The following WHAMM variants were observed in gnomAD, a reference collection of about 807,000 sequenced individuals.
The protein encoded by WHAMM is WASP homolog associated with actin, golgi membranes and microtubules, also known as WASP homolog-associated protein with actin, membranes and microtubules.
WHAMM carries 67 observed loss-of-function variants against 76.5 expected under a neutral mutation model. The ratio of observed to expected loss-of-function variants is 0.88; its 90% confidence interval spans 0.72 to 1.07. The LOEUF (loss-of-function observed/expected upper bound fraction) is 1.07. WHAMM is among the 50% of genes least tolerant of loss of function. The pLI, the probability that WHAMM is intolerant of heterozygous loss-of-function variation, is 0.00. For missense variants in WHAMM, 1,021 were observed against 1,051.1 expected (o/e 0.97, Z 0.40); for synonymous variants, 419 against 422.1 (o/e 0.99, Z 0.09).
intron 5 of WHAMM, among the ~76,000 whole-genome samples, chr15:82,820,233 A>G (rs2050795822): frequency 6.6e-6 from 1 of 152,222 alleles, no homozygotes; most frequent in Non-Finnish European, 1.5e-5. Context: ...ATAGGCATAT[A>G]ATGCATAATA....
At chr15:82,811,504 T>C (rs185271587) in intron 1 of WHAMM, among the ~76,000 whole-genome samples, 123 of 152,348 alleles carry the variant, frequency 8.1e-4, no homozygotes, top group African/African-American at 2.8e-3. Flanking sequence ...TTTCCCAAAT[T>C]TAAGTTCACT....
chr15:82,835,190 G>T lies in WHAMM; in HGVS notation c.*1654G>T, dbSNP rs923738115. 1 of 151,498 alleles carries T rather than the reference G, an allele frequency of 6.6e-6. No homozygotes were observed. The highest frequency in any genetic ancestry group is 1.5e-5 in the Non-Finnish European group (1 of 68,014). The allele number at this position is 151,498 out of a possible 1,614,324, so 9.4% of individuals were successfully genotyped here. On this transcript the variant is annotated 3_prime_UTR_variant, in exon 10 of 10. Coordinates refer to ENST00000286760, the MANE Select transcript of WHAMM (RefSeq NM_001080435.3). ...CAACCAGGCTGGAGTGCGGTGGCAC[G>T]ATCTCAGCTCACTGCAACCTCTGCC... is the stretch of plus-strand genomic sequence containing the variant.
chr15:82,830,467 A>T, intron 8 of WHAMM, 132 bp from the exon 9 acceptor site: 1 of 1,386,644 alleles, frequency 7.2e-7, no homozygotes, highest in East Asian at 2.3e-5. Flanking sequence ...ATGGCTGTAC[A>T]AACAAGGAGT....
In WHAMM at chr15:82,833,376, AC is replaced by A; in HGVS notation, c.2273del (p.Pro758LeufsTer67). ...CAAGGGGTCAAACTGAAGAAAGTTC[AC>A]CCTGATCTTGGCCCAAACCCCAGCA... The part of the protein sequence containing the change: ...IRQGVKLKKV[H>X]PDLGPNPSSK... On this transcript the variant is annotated frameshift_variant, in exon 10 of 10. Transcript: ENST00000286760. LOFTEE classifies it low-confidence loss of function (END_TRUNC). 1 of 1,614,032 alleles carries A rather than the reference AC, an allele frequency of 6.2e-7. No homozygotes were observed. Among genetic ancestry groups the A allele is most frequent in the Non-Finnish European group, 8.5e-7 (1 of 1,179,900 alleles).
intron 1 of WHAMM, among the ~76,000 whole-genome samples, chr15:82,810,931 TA>T (rs2050617218): frequency 6.6e-6 from 1 of 152,108 alleles, no homozygotes; most frequent in East Asian, 1.9e-4. Context: ...ATTTGAGTGG[TA>T]AACTTACTGA....
chr15:82,831,777 A>G (rs983340996), intron 9 of WHAMM, among the ~76,000 whole-genome samples: 7 of 152,230 alleles, frequency 4.6e-5, no homozygotes, highest in Admixed American at 2.6e-4. Flanking sequence ...CTTGGAGCCT[A>G]CTTCTTTGGG....
rs777677977 is a variant in WHAMM, at chr15:82,833,226, C to T, written c.2123-3C>T. 2 of 1,612,468 alleles carry T rather than the reference C, an allele frequency of 1.2e-6. No individual in the cohort carries two copies. Among genetic ancestry groups the T allele is most frequent in the East Asian group, 2.2e-5 (1 of 44,868 alleles). ...AGTACTAGCTCTGCTTATTCAATTT[C>T]AGGATCTATGGATGAAGTGTTGGCC... is the stretch of plus-strand genomic sequence containing the variant. On this transcript the variant is annotated splice_region_variant and splice_polypyrimidine_tract_variant and intron_variant, in intron 9 of 9. Coordinates refer to ENST00000286760, the MANE Select transcript of WHAMM (RefSeq NM_001080435.3).
Position 82,833,218 on chromosome 15 carries a change from T to C in WHAMM, c.2123-11T>C. On this transcript the variant is annotated splice_polypyrimidine_tract_variant and intron_variant, in intron 9 of 9. Coordinates refer to ENST00000286760, the MANE Select transcript of WHAMM (RefSeq NM_001080435.3). The stretch of plus-strand genomic sequence containing the variant: ...TTATTGATAGTACTAGCTCTGCTTA[T>C]TCAATTTCAGGATCTATGGATGAAG... 2 of 1,611,628 alleles carry C rather than the reference T, an allele frequency of 1.2e-6. No individual in the cohort carries two copies. The highest frequency in any genetic ancestry group is 1.7e-6 in the Non-Finnish European group (2 of 1,178,620).
At chr15:82,828,028 C>T (rs1480790174) in intron 8 of WHAMM, among the ~76,000 whole-genome samples, 1 of 152,084 alleles carries the variant, frequency 6.6e-6, no homozygotes, top group Non-Finnish European at 1.5e-5. Context: ...CTTTCATTCC[C>T]CAGCCCCTTC....
Position 82,833,326 on chromosome 15 carries a change from T to C in WHAMM, c.2220T>C (p.Asn740=), listed in dbSNP as rs750257741. ...PAVRPPHASI[N]EHILAAIRQG... ...TGCGCCCTCCCCACGCCTCAATCAATGAGCACATTCTGGCTGCCATAAGGC... is the reference window on the plus strand; with the variant it reads ...TGCGCCCTCCCCACGCCTCAATCAACGAGCACATTCTGGCTGCCATAAGGC... The change falls in exon 10 of 10, where the codon AAT becomes AAC. Residue 740 remains asparagine, a synonymous_variant. Transcript: ENST00000286760. 9 of 1,614,034 alleles carry C rather than the reference T, an allele frequency of 5.6e-6. No individual in the cohort carries two copies. The East Asian group carries it at 1.1e-4, about 20-fold the overall frequency.
rs560517401 is a variant in WHAMM at position 82,826,177 on chromosome 15, C to T, written c.1459-233C>T. Among the ~76,000 whole-genome samples, 38 of 152,232 alleles carry T rather than the reference C, an allele frequency of 2.5e-4. 1 individual carries two copies. In the South Asian group the frequency reaches 7.1e-3, roughly 28 times the overall value. Reference sequence around the variant, plus strand: ...TGCCTATGTGTCCTCTCATGGTTGGCGGATTGTTTTTCATCTCTTAAAGCA... The same window carrying T: ...TGCCTATGTGTCCTCTCATGGTTGGTGGATTGTTTTTCATCTCTTAAAGCA... On this transcript the variant is annotated intron_variant, in intron 6 of 9. Coordinates refer to ENST00000286760, the MANE Select transcript of WHAMM (RefSeq NM_001080435.3).
intron 8 of WHAMM, among the ~76,000 whole-genome samples, chr15:82,829,702 G>C (rs562038850): frequency 3.9e-5 from 6 of 151,926 alleles, no homozygotes; most frequent in African/African-American, 1.2e-4. Flanking sequence ...GATTGCATGG[G>C]GGGGGTGTGT....
intron 4 of WHAMM, among the ~76,000 whole-genome samples, chr15:82,818,355 T>C (rs910453142): frequency 9.2e-5 from 14 of 152,234 alleles, no homozygotes; most frequent in Admixed American, 7.9e-4. Context: ...CTCCCACTTA[T>C]AAGTGAGACC....
At chr15:82,829,506 T>C (rs993903070) in intron 8 of WHAMM, among the ~76,000 whole-genome samples, 1 of 152,140 alleles carries the variant, frequency 6.6e-6, no homozygotes, top group African/African-American at 2.4e-5. Flanking sequence ...GCTGGCATGG[T>C]CTCTGACAGA....
chr15:82,824,218 C>T (rs944530486), intron 6 of WHAMM, among the ~76,000 whole-genome samples: 5 of 135,678 alleles, frequency 3.7e-5, no homozygotes, highest in South Asian at 2.4e-4. Context: ...AGTGCAATGG[C>T]GCAATCTCAG....
chr15:82,830,710 G>C lies in WHAMM; in HGVS notation c.1753G>C (p.Val585Leu), dbSNP rs1043211899. 6.2e-7 allele frequency: 1 copy of C among 1,613,970 alleles called. No homozygotes were observed. The highest frequency in any genetic ancestry group is 8.5e-7 in the Non-Finnish European group (1 of 1,179,886). ...MCLPASHAVS[V>L]IHPSSRKTRG... is the part of the protein sequence containing the mutation. Reference sequence around the variant, plus strand: ...CTTGCCAGCTTCCCACGCGGTGTCAGTAATTCACCCGTCCTCTAGGAAAAC... The same window carrying C: ...CTTGCCAGCTTCCCACGCGGTGTCACTAATTCACCCGTCCTCTAGGAAAAC... Residue 585 changes from valine (V) to leucine (L), a missense_variant, in exon 9 of 10, where the codon GTA (valine) becomes CTA (leucine). Physicochemically the swap from Val to Leu is conservative, Grantham distance 32. Coordinates refer to ENST00000286760, the MANE Select transcript of WHAMM (RefSeq NM_001080435.3).
chr15:82,810,192 G>C lies in WHAMM; in HGVS notation c.466G>C (p.Ala156Pro). Residue 156 changes from alanine to proline, a missense_variant, in exon 1 of 10, where the codon GCG becomes CCG. Around this residue, in one of 3 missense-constraint regions of WHAMM, gnomAD observed 501 missense variants for 524.9 expected, o/e 0.95. Coordinates refer to ENST00000286760, the MANE Select transcript of WHAMM (RefSeq NM_001080435.3). ...GCAGCTGGAACGCTATCTGGGCGCG[G>C]CGGCCGACGGCTGCGGCGGCGCCAC... The part of the protein sequence containing the change: ...CGQLERYLGA[A>P]ADGCGGATVR... 1 of 1,405,040 alleles carries C rather than the reference G, an allele frequency of 7.1e-7. No individual in the cohort carries two copies. Among genetic ancestry groups the C allele is most frequent in the South Asian group, 1.4e-5 (1 of 71,626 alleles). 87.0% of individuals were successfully genotyped at this position (1,405,040 alleles called of 1,614,324 possible).
rs1319175398 is a variant in WHAMM, at chr15:82,830,884, C to T, written c.1927C>T (p.Pro643Ser). Reference protein sequence around the residue: ...SEELSLPPPPPPPPPPPPPPP... With the variant: ...SEELSLPPPPSPPPPPPPPPP... ...GGAATTGTCACTGCCACCACCTCCT[C>T]CTCCTCCACCACCACCACCGCCGCC... is the stretch of plus-strand genomic sequence containing the variant. The change falls in exon 9 of 10, where the codon CCT becomes TCT. Residue 643 changes from proline (P) to serine (S), a missense_variant. Physicochemically the swap from Pro to Ser is moderately conservative, Grantham distance 74. This residue lies in a region of WHAMM where 509 missense variants were observed against 492.3 expected (regional missense o/e 1.03). Coordinates refer to ENST00000286760, the MANE Select transcript of WHAMM (RefSeq NM_001080435.3). 4 of 1,582,126 alleles carry T rather than the reference C, an allele frequency of 2.5e-6. No homozygotes were observed. The highest frequency in any genetic ancestry group is 2.6e-6 in the Non-Finnish European group (3 of 1,163,842).
At chr15:82,818,118 T>G in intron 4 of WHAMM, 29 bp downstream of exon 4, 3 of 1,516,824 alleles carry the variant, frequency 2.0e-6, no homozygotes, top group South Asian at 1.2e-5. Context: ...TAACTTTGTT[T>G]TAAAAATACA....
Sources: gnomAD v4.1 joint callset for allele counts (sites outside exome capture counted in the v4.1 genomes callset) on GRCh38, gnomAD v4.1.1 for gene constraint, gnomAD v4.1.1 regional missense constraint, MANE v1.5 for transcripts, NCBI Gene and HGNC (gene_info 2026-07-23, HGNC 2026-07-21) for gene names.